The following CEP85L variants were observed in gnomAD, a reference collection of about 807,000 sequenced individuals.
CEP85L encodes centrosomal protein 85L, also known as centrosomal protein of 85 kDa-like.
In CEP85L, 60 loss-of-function variants were observed where a neutral mutation model predicts 100.3. The ratio of observed to expected loss-of-function variants is 0.60; its 90% CI spans 0.49 to 0.74. The LOEUF is 0.74. CEP85L is among the 30% of genes least tolerant of loss of function. CEP85L has a pLI of 0.00. For missense variants in CEP85L, 973 were observed against 936.2 expected, an observed-to-expected ratio of 1.04 and a Z score of -0.51; for synonymous variants, 319 against 322.7, an observed-to-expected ratio of 0.99 and a Z score of 0.12.
Position 118,462,375 on chromosome 6 carries a change from T to C in CEP85L, c.*3030A>G, listed in dbSNP as rs1772277009. 1 of 152,026 alleles carries C rather than the reference T, an allele frequency of 6.6e-6. No individual in the cohort carries two copies. Among genetic ancestry groups the C allele is most frequent in the Non-Finnish European group, 1.5e-5 (1 of 67,890 alleles). The allele number at this position is 152,026 out of a possible 1,614,324, so 9.4% of individuals were successfully genotyped here. A position where few individuals can be genotyped will look rare whatever the true frequency, so the allele number is the denominator to read the frequency against. On this transcript the variant is annotated 3_prime_UTR_variant, in exon 13 of 13. Coordinates refer to ENST00000368491, the MANE Select transcript of CEP85L (RefSeq NM_001042475.3). The stretch of plus-strand genomic sequence containing the variant: ...ATTAAGCCATTTTACTTTTCTGAGC[T>C]CAAGTGAAAAGATAGCTATTGTGCC...
chr6:118,665,342 A>ATTTAT (rs146135870), intron 1 of CEP85L, among the ~76,000 whole-genome samples: 6,592 of 151,954 alleles, frequency 0.043, 168 homozygotes, highest in Admixed American at 0.056. Flanking sequence ...ATTCAATTTT[A>ATTTAT]TTTATTTTAT....
At chr6:118,660,926 C>CCTGG (rs1775953200) in intron 1 of CEP85L, among the ~76,000 whole-genome samples, 1 of 151,526 alleles carries the variant, frequency 6.6e-6, no homozygotes, top group Non-Finnish European at 1.5e-5. Flanking sequence ...CGCACTGTCG[C>CCTGG]CTGGACTGGA....
intron 1 of CEP85L, among the ~76,000 whole-genome samples, chr6:118,674,648 G>T (rs1386560662): frequency 6.6e-6 from 1 of 152,064 alleles, no homozygotes; most frequent in Non-Finnish European, 1.5e-5. Flanking sequence ...TGATTTTAAA[G>T]CTATCTGAAT....
intron 1 of CEP85L, among the ~76,000 whole-genome samples, chr6:118,701,790 C>A (rs9481850): frequency 0.44 from 66,999 of 151,276 alleles, 15,246 homozygotes; most frequent in African/African-American, 0.54. Context: ...GGAAAAAAAA[C>A]AAAGAAGATT....
chr6:118,567,669 G>A (rs965476850), intron 2 of CEP85L, among the ~76,000 whole-genome samples: 8 of 152,106 alleles, frequency 5.3e-5, no homozygotes, highest in African/African-American at 1.7e-4. Flanking sequence ...TCCCCACACT[G>A]TTTGACTCTT....
At chr6:118,505,169 C>T (rs780917767) in intron 5 of CEP85L, among the ~76,000 whole-genome samples, 9 of 151,816 alleles carry the variant, frequency 5.9e-5, no homozygotes, top group South Asian at 2.1e-4. Flanking sequence ...GGGCCAGGCG[C>T]GGTGGCTCAC....
In CEP85L at chr6:118,465,340, T is replaced by C. The variant is rs1772434684; in HGVS notation, c.*65A>G. 6.8e-7 allele frequency: 1 copy of C among 1,478,090 alleles called. No individual in the cohort carries two copies. Among genetic ancestry groups the C allele is most frequent in the East Asian group, 2.4e-5 (1 of 42,092 alleles). The allele number at this position is 1,478,090 out of a possible 1,614,324, so 91.6% of individuals were successfully genotyped here. On this transcript the variant is annotated 3_prime_UTR_variant, in exon 13 of 13. Coordinates refer to ENST00000368491, the MANE Select transcript of CEP85L (RefSeq NM_001042475.3). ...AAGTCATGTCACTTGCAACCTTCCA[T>C]TATGGCTCCATAACACAGCAGCATT... is the stretch of plus-strand genomic sequence containing the variant.
intron 2 of CEP85L, among the ~76,000 whole-genome samples, chr6:118,629,093 C>T (rs1314780016): frequency 1.3e-5 from 2 of 152,096 alleles, no homozygotes; most frequent in Non-Finnish European, 2.9e-5. Flanking sequence ...TTACACAGCA[C>T]TTACATTGTA....
At chr6:118,672,920 G>A (rs868851847) in intron 1 of CEP85L, among the ~76,000 whole-genome samples, 1 of 152,102 alleles carries the variant, frequency 6.6e-6, no homozygotes, top group Non-Finnish European at 1.5e-5. Context: ...GGGAGGAGGA[G>A]GAGGAGCTCC....
intron 1 of CEP85L, among the ~76,000 whole-genome samples, chr6:118,688,300 CCT>C (rs1404604193): frequency 6.6e-6 from 1 of 152,164 alleles, no homozygotes; most frequent in Non-Finnish European, 1.5e-5. Context: ...AGTGTCCAGT[CCT>C]CTGTTTTATT....
In CEP85L at chr6:118,559,057, T is replaced by C; in HGVS notation, c.1020+6472A>G. 6.2e-7 allele frequency: 1 copy of C among 1,611,840 alleles called. No homozygotes were observed. The highest frequency in any genetic ancestry group is 8.5e-7 in the Non-Finnish European group (1 of 1,177,856). On this transcript the variant is annotated intron_variant, in intron 3 of 12. Coordinates refer to ENST00000368491, the MANE Select transcript of CEP85L (RefSeq NM_001042475.3). Reference sequence around the variant, plus strand: ...CATCTTAATATGTCTCTTGCTGATCTGTATCATCGTGATGCTTCTCTGAAG... The same window carrying C: ...CATCTTAATATGTCTCTTGCTGATCCGTATCATCGTGATGCTTCTCTGAAG...
intron 6 of CEP85L, 88 bp downstream of exon 6, chr6:118,491,598 A>G: frequency 6.6e-7 from 1 of 1,515,162 alleles, no homozygotes; most frequent in South Asian, 1.3e-5. Context: ...ATAACCTGGC[A>G]TGACACCTGA....
At chr6:118,599,563 C>T (rs1781618144) in intron 2 of CEP85L, among the ~76,000 whole-genome samples, 1 of 152,094 alleles carries the variant, frequency 6.6e-6, no homozygotes, top group African/African-American at 2.4e-5. Context: ...CTCCTATTTT[C>T]AGTGTGGGCA....
intron 1 of CEP85L, among the ~76,000 whole-genome samples, chr6:118,646,148 C>T (rs527490051): frequency 2.0e-5 from 3 of 152,188 alleles, no homozygotes; most frequent in East Asian, 1.9e-4. Flanking sequence ...ACCCATGAGG[C>T]GGAGGTTGCA....
intron 7 of CEP85L, among the ~76,000 whole-genome samples, chr6:118,483,006 G>A (rs981803002): frequency 6.6e-6 from 1 of 152,158 alleles, no homozygotes; most frequent in East Asian, 1.9e-4. Context: ...CACTTAGTGA[G>A]TAGAGGGCAG....
intron 2 of CEP85L, among the ~76,000 whole-genome samples, chr6:118,569,080 C>A (rs1779716218): frequency 6.6e-6 from 1 of 151,922 alleles, no homozygotes; most frequent in Admixed American, 6.6e-5. Flanking sequence ...GTGGCTCACA[C>A]CTGTAATTCC....
intron 10 of CEP85L, among the ~76,000 whole-genome samples, chr6:118,472,098 A>C (rs1773003955): frequency 6.6e-6 from 1 of 151,876 alleles, no homozygotes; most frequent in Non-Finnish European, 1.5e-5. Flanking sequence ...TATTATATAT[A>C]ACAGAATAAT....
intron 1 of CEP85L, among the ~76,000 whole-genome samples, chr6:118,709,556 T>A (rs9489507): frequency 7.0e-5 from 10 of 142,322 alleles, no homozygotes; most frequent in African/African-American, 2.5e-4. Context: ...TGTGTGTGTG[T>A]GAGAGAGAGA....
chr6:118,602,852 G>A (rs117801344), intron 2 of CEP85L, among the ~76,000 whole-genome samples: 2,349 of 149,672 alleles, frequency 0.016, 25 homozygotes, highest in South Asian at 0.024. Context: ...ATATAGTCTC[G>A]CACGGTCACC....
Sources: gnomAD v4.1 joint callset for allele counts (sites outside exome capture counted in the v4.1 genomes callset) on GRCh38, gnomAD v4.1.1 for gene constraint, MANE v1.5 for transcripts, NCBI Gene and HGNC (gene_info 2026-07-23, HGNC 2026-07-21) for gene names.